SELENOP: variants seen among roughly 807,000 people sequenced by gnomAD.
SELENOP encodes selenoprotein P, plasma, 1.
SELENOP carries 36 observed loss-of-function variants against 41.0 expected under a neutral mutation model. The ratio of observed to expected loss-of-function variants is 0.88; its 90% CI spans 0.67 to 1.16. SELENOP has a LOEUF of 1.16. Among genes scored for constraint, SELENOP ranks in the 50% most tolerant of loss-of-function variants. SELENOP has a pLI of 0.00. For synonymous variants in SELENOP, 144 were observed against 150.8 expected (o/e 0.95, Z 0.33); for missense variants, 440 against 454.2 (o/e 0.97, Z 0.28).
chr5:42,810,963 C>G (rs957690829), intron 1 of SELENOP, among the ~76,000 whole-genome samples: 1 of 152,074 alleles, frequency 6.6e-6, no homozygotes, highest in Non-Finnish European at 1.5e-5. Context: ...CACCGTAAAC[C>G]TTTGATAATT....
chr5:42,810,039 A>C (rs1760426750), intron 1 of SELENOP, among the ~76,000 whole-genome samples: 1 of 152,182 alleles, frequency 6.6e-6, no homozygotes, highest in African/African-American at 2.4e-5. Flanking sequence ...GCACTTTTAT[A>C]TATCATGTCA....
Position 42,809,612 on chromosome 5 carries a change from T to C in SELENOP, c.-13-1246A>G, listed in dbSNP as rs564385970. Reference sequence around the variant, plus strand: ...CATTTCTTTGGAGGTGGGGAGCTAATGGTAAATTACTTAGAGTGAGCCCAG... The same window carrying C: ...CATTTCTTTGGAGGTGGGGAGCTAACGGTAAATTACTTAGAGTGAGCCCAG... On this transcript the variant is annotated intron_variant, in intron 1 of 4. Coordinates refer to ENST00000514985, the MANE Select transcript of SELENOP (RefSeq NM_005410.4). 94 of 161,058 alleles carry C rather than the reference T, an allele frequency of 5.8e-4. 1 individual carries two copies. Among genetic ancestry groups the C allele is most frequent in the Non-Finnish European group, 1.0e-3 (79 of 76,054 alleles). 10.0% of individuals were successfully genotyped at this position (161,058 alleles called of 1,614,324 possible).
At chr5:42,803,650 A>G (rs1456894489) in intron 4 of SELENOP, among the ~76,000 whole-genome samples, 1 of 152,234 alleles carries the variant, frequency 6.6e-6, no homozygotes, top group Non-Finnish European at 1.5e-5. Context: ...TGACTTCTCA[A>G]TGGAACATTG....
Position 42,800,926 on chromosome 5 carries a change from A to C in SELENOP, c.940T>G (p.Ser314Ala). ...CRHLIFEKTG[S>A]AITUQCKENL... is the part of the protein sequence containing the mutation. ...TCTTTACACTGTCAGGTGATTGCAG[A>C]CCCTGTTTTTTCAAATATCAGATGT... The change falls in exon 5 of 5, where the codon TCT becomes GCT. Residue 314 changes from serine to alanine, a missense_variant. Physicochemically the swap from Ser to Ala is moderately conservative, Grantham distance 99. Transcript: ENST00000514985. The C allele has an allele frequency of 6.2e-7, 1 of 1,614,194 alleles. No individual in the cohort carries two copies. Among genetic ancestry groups the C allele is most frequent in the South Asian group, 1.1e-5 (1 of 91,088 alleles).
At chr5:42,809,834 C>G in intron 1 of SELENOP, 1 of 780,004 alleles carries the variant, frequency 1.3e-6, no homozygotes, top group East Asian at 1.3e-4. Context: ...GACAAATTAA[C>G]TTACTTATTT....
chr5:42,801,437 G>C, intron 4 of SELENOP, 106 bp from the exon 5 acceptor site: 1 of 813,314 alleles, frequency 1.2e-6, no homozygotes, highest in South Asian at 1.8e-5. Context: ...TAGTTAATTA[G>C]AATCGAGCTG....
At position 42,808,284 on chromosome 5, in the gene SELENOP, G is replaced by T. The variant is rs1760380151; in HGVS notation, c.70C>A (p.Gln24Lys). 6.4e-7 allele frequency: 1 copy of T among 1,562,290 alleles called. No individual in the cohort carries two copies. Among genetic ancestry groups the T allele is most frequent in the Admixed American group, 1.9e-5 (1 of 53,168 alleles). The change falls in exon 2 of 5, where the codon CAA becomes AAA. Residue 24 changes from glutamine (Q) to lysine (K), a missense_variant. Transcript: ENST00000514985. ...LPSGGTESQD[Q>K]SSLCKQPPAW... is the part of the protein sequence containing the mutation. Reference sequence around the variant, plus strand: ...GGGGGTTGCTTACATAAGGAGCTTTGGTCCTGGCTCTCTGTTCCTCCCGAT... The same window carrying T: ...GGGGGTTGCTTACATAAGGAGCTTTTGTCCTGGCTCTCTGTTCCTCCCGAT...
At position 42,800,917 on chromosome 5, in the gene SELENOP, T is replaced by C; in HGVS notation, c.949A>G (p.Thr317Ala). The change falls in exon 5 of 5, where the codon ACC becomes GCC. Residue 317 changes from threonine to alanine, a missense_variant. Coordinates refer to ENST00000514985, the MANE Select transcript of SELENOP (RefSeq NM_005410.4). ...GGGAGGTTTTCTTTACACTGTCAGG[T>C]GATTGCAGACCCTGTTTTTTCAAAT... ...LIFEKTGSAITUQCKENLPSL... is the reference protein window; with the variant it reads ...LIFEKTGSAIAUQCKENLPSL... The C allele has an allele frequency of 1.2e-6, 2 of 1,614,216 alleles. No homozygotes were observed. Among genetic ancestry groups the C allele is most frequent in the Non-Finnish European group, 1.7e-6 (2 of 1,180,048 alleles).
intron 3 of SELENOP, chr5:42,805,030 T>C (rs762645207): frequency 1.2e-4 from 28 of 238,586 alleles, no homozygotes; most frequent in Non-Finnish European, 1.9e-4. Context: ...ATATCAAAAA[T>C]GTCATCACTG....
At chr5:42,809,319 G>A (rs1176769279) in intron 1 of SELENOP, among the ~76,000 whole-genome samples, 1 of 152,132 alleles carries the variant, frequency 6.6e-6, no homozygotes, top group Non-Finnish European at 1.5e-5. Flanking sequence ...TCTGAGCAAC[G>A]AAATTAAAAT....
chr5:42,807,174 CCCT>C, intron 2 of SELENOP, 66 bp from the exon 3 acceptor site: 1 of 795,054 alleles, frequency 1.3e-6, no homozygotes, highest in Non-Finnish European at 2.0e-6. Context: ...TGGTTTTTCT[CCCT>C]CTTCCTTAAT....
intron 4 of SELENOP, among the ~76,000 whole-genome samples, chr5:42,803,905 C>T (rs1335844038): frequency 1.3e-5 from 2 of 152,178 alleles, no homozygotes; most frequent in East Asian, 1.9e-4. Flanking sequence ...ATCTGATAGC[C>T]TTGCATCTTC....
chr5:42,806,228 G>C (rs185438333), intron 3 of SELENOP: 12 of 152,362 alleles, frequency 7.9e-5, no homozygotes, highest in African/African-American at 2.9e-4. Context: ...AGTGGATGAT[G>C]ACTGGGAGTG....
chr5:42,808,498 T>C (rs1760387821), intron 1 of SELENOP, 132 bp from the exon 2 acceptor site: 1 of 382,190 alleles, frequency 2.6e-6, no homozygotes. Flanking sequence ...CTCCAGAAAG[T>C]TATGTTCAGA....
chr5:42,808,173 G>A lies in SELENOP; in HGVS notation c.181C>T (p.Leu61=). ...TACTTAGATGCCTGCAGTATGCACAGGTATCAGCTGGCTTGAAGAAGAGCA... is the reference window on the plus strand; with the variant it reads ...TACTTAGATGCCTGCAGTATGCACAAGTATCAGCTGGCTTGAAGAAGAGCA... ...VVALLQASUY[L]CILQASKLED... The change falls in exon 2 of 5, where the codon CTG becomes TTG. Residue 61 remains leucine (L), a synonymous_variant. Coordinates refer to ENST00000514985, the MANE Select transcript of SELENOP (RefSeq NM_005410.4). The A allele has an allele frequency of 6.4e-7, 1 of 1,556,312 alleles. No individual in the cohort carries two copies. The highest frequency in any genetic ancestry group is 2.0e-5 in the Admixed American group (1 of 50,728).
At chr5:42,804,184 G>C (rs1006784780) in intron 4 of SELENOP, among the ~76,000 whole-genome samples, 7 of 152,214 alleles carry the variant, frequency 4.6e-5, no homozygotes, top group African/African-American at 1.7e-4. Flanking sequence ...AGGTTAGGCC[G>C]GGCGCGGTGG....
In SELENOP at chr5:42,807,097, A is replaced by G. The variant is rs1760349233; in HGVS notation, c.215T>C (p.Leu72Pro). ...CILQASKLED[L>P]RVKLKKEGYS... is the part of the protein sequence containing the mutation. ...TCCTTCTTTCTTCAGTTTTACTCGC[A>G]GGTCTTCTAATCTAAAATATTTGGG... Residue 72 changes from leucine (L) to proline (P), a missense_variant, in exon 3 of 5, where the codon CTG (leucine) becomes CCG (proline). Leu to Pro is a moderately conservative substitution (Grantham distance 98). Transcript: ENST00000514985. 2 of 1,460,698 alleles carry G rather than the reference A, an allele frequency of 1.4e-6. No individual in the cohort carries two copies. The highest frequency in any genetic ancestry group is 1.2e-5 in the South Asian group (1 of 84,568). The allele number at this position is 1,460,698 out of a possible 1,614,324, so 90.5% of individuals were successfully genotyped here. A position where few individuals can be genotyped will look rare whatever the true frequency, so the allele number is the denominator to read the frequency against.
At position 42,800,809 on chromosome 5, in the gene SELENOP, G is replaced by C; in HGVS notation, c.1057C>G (p.Gln353Glu). 1 of 1,614,158 alleles carries C rather than the reference G, an allele frequency of 6.2e-7. No homozygotes were observed. The highest frequency in any genetic ancestry group is 2.2e-5 in the East Asian group (1 of 44,884). ...CQURLPPAAU[Q>E]ISQQLIPTEA... ...GTGGGTATAAGCTGCTGACTTATTTGTCAGGCAGCTGGAGGCAAACGTCAC... is the reference window on the plus strand; with the variant it reads ...GTGGGTATAAGCTGCTGACTTATTTCTCAGGCAGCTGGAGGCAAACGTCAC... Residue 353 changes from glutamine (Q) to glutamate (E), a missense_variant, in exon 5 of 5, where the codon CAA becomes GAA. Physicochemically the swap from Gln to Glu is conservative, Grantham distance 29. Coordinates refer to ENST00000514985, the MANE Select transcript of SELENOP (RefSeq NM_005410.4).
intron 4 of SELENOP, among the ~76,000 whole-genome samples, chr5:42,804,188 G>A (rs1240654987): frequency 2.6e-5 from 4 of 152,206 alleles, no homozygotes; most frequent in Admixed American, 2.6e-4. Context: ...TAGGCCGGGC[G>A]CGGTGGCTCA....
Sources: allele counts gnomAD v4.1 joint callset (sites outside exome capture counted in the v4.1 genomes callset), GRCh38; gene constraint gnomAD v4.1.1; transcripts MANE v1.5; gene names NCBI Gene and HGNC (gene_info 2026-07-23, HGNC 2026-07-21).